HLCS: variants seen among roughly 807,000 people sequenced by gnomAD.
HLCS encodes the protein biotin--protein ligase.
Under a neutral mutation model 75.0 loss-of-function variants are expected in HLCS, and 53 were observed. The ratio of observed to expected loss-of-function variants is 0.71; its 90% CI spans 0.57 to 0.89. The LOEUF (loss-of-function observed/expected upper bound fraction) is 0.89. Ranked by LOEUF, HLCS falls within the 40% of genes least tolerant of loss-of-function variation. The probability of loss-of-function intolerance (pLI) is 0.00; values close to 1 mark genes in which losing one functional copy is unlikely to be tolerated. For missense variants in HLCS, 966 were observed against 1,074.0 expected, an observed-to-expected ratio of 0.90 and a Z score of 1.41; for synonymous variants, 431 against 428.6, an observed-to-expected ratio of 1.01 and a Z score of -0.07.
chr21:36,903,245 T>C (rs2065313243), intron 5 of HLCS, among the ~76,000 whole-genome samples: 1 of 152,192 alleles, frequency 6.6e-6, no homozygotes, highest in Non-Finnish European at 1.5e-5. Context: ...CATCATTCTT[T>C]CCTTGGTATA....
intron 6 of HLCS, among the ~76,000 whole-genome samples, chr21:36,794,800 G>A (rs1248062457): frequency 6.6e-6 from 1 of 152,114 alleles, no homozygotes; most frequent in African/African-American, 2.4e-5. Context: ...GATGAACTGA[G>A]CTCCTGAAAG....
chr21:36,780,135 T>C (rs1568997977), intron 6 of HLCS, among the ~76,000 whole-genome samples: 1 of 152,164 alleles, frequency 6.6e-6, no homozygotes, highest in Non-Finnish European at 1.5e-5. Context: ...CGGGAACCAC[T>C]AGGTTGCATA....
intron 6 of HLCS, among the ~76,000 whole-genome samples, chr21:36,875,726 C>T (rs1202520555): frequency 1.3e-5 from 2 of 152,246 alleles, no homozygotes; most frequent in African/African-American, 4.8e-5. Context: ...ATACCTCCTT[C>T]TTCCTGGATG....
chr21:36,863,011 A>G (rs112530710), intron 6 of HLCS, among the ~76,000 whole-genome samples: 63 of 145,064 alleles, frequency 4.3e-4, no homozygotes, highest in Middle Eastern at 3.5e-3. Context: ...CGATCCTCCC[A>G]CTTCAGCTTC....
At chr21:36,930,480 A>C (rs773477398) in intron 4 of HLCS, 47 bp from the exon 5 acceptor site, 1 of 1,440,296 alleles carries the variant, frequency 6.9e-7, no homozygotes, top group Non-Finnish European at 9.7e-7. Flanking sequence ...ACTCACAGGC[A>C]ATGAGAAAAA....
chr21:36,806,730 A>G (rs763715947), intron 6 of HLCS, among the ~76,000 whole-genome samples: 1 of 152,232 alleles, frequency 6.6e-6, no homozygotes, highest in Non-Finnish European at 1.5e-5. Flanking sequence ...AAGAGAGCGT[A>G]TTACTTATCT....
intron 2 of HLCS, among the ~76,000 whole-genome samples, chr21:36,940,006 G>C (rs1013098885): frequency 1.3e-5 from 2 of 152,110 alleles, no homozygotes; most frequent in African/African-American, 4.8e-5. Flanking sequence ...CTGAGATCGT[G>C]CCACTGCACT....
chr21:36,888,432 T>TA lies in HLCS; in HGVS notation c.1892+8427dup, dbSNP rs1191691491. Among the ~76,000 whole-genome samples the TA allele has an allele frequency of 9.4e-3, 224 of 23,754 alleles. 10 individuals are homozygous for TA. The highest frequency in any genetic ancestry group is 0.011 in the Non-Finnish European group (128 of 11,962). The allele number at this position is 23,754 out of a possible 152,430, so 15.6% of individuals were successfully genotyped here. On this transcript the variant is annotated intron_variant, in intron 6 of 10. Coordinates refer to ENST00000674895, the MANE Select transcript of HLCS (RefSeq NM_001352514.2). Reference sequence around the variant, plus strand: ...AATGCGATCCTGCCCCCTTCCCATTTAAAAAAAAAAAAAATATATATATAT... The same window carrying TA: ...AATGCGATCCTGCCCCCTTCCCATTTAAAAAAAAAAAAAAATATATATATAT...
At chr21:36,801,827 T>A (rs113067593) in intron 6 of HLCS, among the ~76,000 whole-genome samples, 1,839 of 152,134 alleles carry the variant, frequency 0.012, 30 homozygotes, top group African/African-American at 0.041. Flanking sequence ...GAGACAGTTA[T>A]CTAACTATGT....
At chr21:36,989,314 C>CT (rs35073331) in intron 1 of HLCS, among the ~76,000 whole-genome samples, 28,370 of 79,744 alleles carry the variant, frequency 0.36, 5,664 homozygotes, top group Admixed American at 0.41. Flanking sequence ...TCTGGCCCAT[C>CT]TTTTTTTTTT....
At chr21:36,864,288 T>C (rs1364449806) in intron 6 of HLCS, among the ~76,000 whole-genome samples, 4 of 151,740 alleles carry the variant, frequency 2.6e-5, no homozygotes, top group Non-Finnish European at 4.4e-5. Flanking sequence ...TAATTCCAGC[T>C]ACTTGGGAGG....
At chr21:36,898,503 A>T (rs1425764367) in intron 5 of HLCS, among the ~76,000 whole-genome samples, 1 of 150,948 alleles carries the variant, frequency 6.6e-6, no homozygotes, top group African/African-American at 2.4e-5. Context: ...AATCCAGGGG[A>T]TAAAACATTT....
At chr21:36,984,503 G>C (rs1601947218) in intron 1 of HLCS, among the ~76,000 whole-genome samples, 1 of 152,200 alleles carries the variant, frequency 6.6e-6, no homozygotes, top group Non-Finnish European at 1.5e-5. Context: ...TCGTGTCCCA[G>C]GTGAGACAGA....
intron 6 of HLCS, among the ~76,000 whole-genome samples, chr21:36,878,781 A>G (rs1445400866): frequency 6.6e-6 from 1 of 152,200 alleles, no homozygotes; most frequent in Non-Finnish European, 1.5e-5. Flanking sequence ...ATACAAGTAG[A>G]TATTGGAAGT....
At chr21:36,845,651 G>C (rs1345457856) in intron 6 of HLCS, among the ~76,000 whole-genome samples, 1 of 152,200 alleles carries the variant, frequency 6.6e-6, no homozygotes, top group Non-Finnish European at 1.5e-5. Flanking sequence ...CAGTGGTGGA[G>C]CGGGACTTAG....
intron 6 of HLCS, among the ~76,000 whole-genome samples, chr21:36,836,320 T>C (rs1310227710): frequency 6.6e-6 from 1 of 152,148 alleles, no homozygotes; most frequent in African/African-American, 2.4e-5. Flanking sequence ...AGGGAATTTT[T>C]TTTTATTATA....
chr21:36,807,167 C>T (rs912739530), intron 6 of HLCS, among the ~76,000 whole-genome samples: 2 of 152,094 alleles, frequency 1.3e-5, no homozygotes, highest in South Asian at 2.1e-4. Context: ...CCAGTAGGTC[C>T]GACCCACCTG....
intron 6 of HLCS, among the ~76,000 whole-genome samples, chr21:36,801,977 TATA>T (rs1482022071): frequency 6.6e-6 from 1 of 152,192 alleles, no homozygotes; most frequent in Non-Finnish European, 1.5e-5. Flanking sequence ...ATATGATATA[TATA>T]ATATTCTTTA....
At chr21:36,875,525 A>T (rs1459633642) in intron 6 of HLCS, among the ~76,000 whole-genome samples, 1 of 152,154 alleles carries the variant, frequency 6.6e-6, no homozygotes, top group Non-Finnish European at 1.5e-5. Flanking sequence ...CTTCGCTGAG[A>T]GCCAGACAGA....
Sources: gnomAD v4.1 joint callset for allele counts (sites outside exome capture counted in the v4.1 genomes callset) on GRCh38, gnomAD v4.1.1 for gene constraint, MANE v1.5 for transcripts, NCBI Gene and HGNC (gene_info 2026-07-23, HGNC 2026-07-21) for gene names.